The following TRIM24 variants were observed in gnomAD, a reference collection of about 807,000 sequenced individuals.
TRIM24 encodes tripartite motif containing 24, also known as transcription intermediary factor 1-alpha.
A neutral mutation model predicts 123.9 loss-of-function variants in TRIM24; 29 were observed. The ratio of observed to expected loss-of-function variants is 0.23; its 90% CI spans 0.17 to 0.32. TRIM24 has a LOEUF of 0.32. Among genes scored for constraint, TRIM24 ranks in the 10% least tolerant of loss-of-function variants. The pLI is 1.00. For missense variants in TRIM24, 932 were observed against 1,295.3 expected (o/e 0.72, Z 4.31); for synonymous variants, 456 against 461.1 (o/e 0.99, Z 0.14).
rs772136814 is a variant in TRIM24, at chr7:138,570,817, C to G, written c.1705-13C>G. On this transcript the variant is annotated splice_polypyrimidine_tract_variant and intron_variant, in intron 10 of 18. Coordinates refer to ENST00000343526, the MANE Select transcript of TRIM24 (RefSeq NM_015905.3). ...TGTTGATAGCCTTTGTTCTTCTCTTCTTGTTACTGTAGTGGCAGATCAGCA... is the reference window on the plus strand; with the variant it reads ...TGTTGATAGCCTTTGTTCTTCTCTTGTTGTTACTGTAGTGGCAGATCAGCA... The G allele has an allele frequency of 2.5e-6, 4 of 1,613,098 alleles. No individual in the cohort carries two copies. The South Asian group carries it at 3.3e-5, about 13-fold the overall frequency.
chr7:138,572,093 T>A (rs536251689), intron 11 of TRIM24, among the ~76,000 whole-genome samples: 1 of 152,330 alleles, frequency 6.6e-6, no homozygotes. Flanking sequence ...TTATTTTCAT[T>A]ATTTGTTTTT....
In TRIM24 at chr7:138,580,573, T is replaced by C; in HGVS notation, c.2597T>C (p.Ile866Thr). 1 of 1,612,068 alleles carries C rather than the reference T, an allele frequency of 6.2e-7. No homozygotes were observed. Among genetic ancestry groups the C allele is most frequent in the Non-Finnish European group, 8.5e-7 (1 of 1,178,788 alleles). The part of the protein sequence containing the change: ...TLTNFPSGEW[I>T]CTFCRDLSKP... ...TTGTCCCCTAACAGTGGAGAGTGGA[T>C]TTGCACTTTCTGCCGAGACTTATCT... The change falls in exon 16 of 19, where the codon ATT (isoleucine) becomes ACT (threonine). Residue 866 changes from isoleucine (I) to threonine (T), a missense_variant. This residue lies in a region of TRIM24 where 45 missense variants were observed against 56.6 expected (regional missense o/e 0.80). Transcript: ENST00000343526.
chr7:138,568,882 A>G (rs1210845879), intron 10 of TRIM24, among the ~76,000 whole-genome samples: 2 of 152,204 alleles, frequency 1.3e-5, no homozygotes, highest in African/African-American at 4.8e-5. Flanking sequence ...ATCCATTTTA[A>G]TAAAATCATT....
At chr7:138,542,240 C>A (rs1797019052) in intron 7 of TRIM24, among the ~76,000 whole-genome samples, 1 of 152,326 alleles carries the variant, frequency 6.6e-6, no homozygotes, top group African/African-American at 2.4e-5. Context: ...TTTGGACCTG[C>A]CTTCCTCAGT....
At chr7:138,463,456 T>A (rs1179277015) in intron 1 of TRIM24, among the ~76,000 whole-genome samples, 1 of 152,094 alleles carries the variant, frequency 6.6e-6, no homozygotes, top group East Asian at 1.9e-4. Flanking sequence ...GGTCTCGAAC[T>A]TCTGACCTCA....
intron 1 of TRIM24, among the ~76,000 whole-genome samples, chr7:138,470,861 A>T (rs978123661): frequency 3.9e-5 from 6 of 152,190 alleles, no homozygotes; most frequent in African/African-American, 1.4e-4. Context: ...TTTGTGTTTC[A>T]TGTTATCAGT....
rs1393115966 is a variant in TRIM24, at chr7:138,583,978, A to G, written c.2922A>G (p.Gln974=). Residue 974 remains glutamine, a synonymous_variant, in exon 18 of 19, where the codon CAA becomes CAG. Coordinates refer to ENST00000343526, the MANE Select transcript of TRIM24 (RefSeq NM_015905.3). ...DFVADFRLIF[Q]NCAEFNEPDS... ...TAGCTGATTTTAGATTGATCTTTCA[A>G]AACTGTGCTGAATTCAATGAGGTGA... The G allele has an allele frequency of 5.0e-6, 8 of 1,608,872 alleles. No homozygotes were observed. Among genetic ancestry groups the G allele is most frequent in the Non-Finnish European group, 6.8e-6 (8 of 1,178,644 alleles).
chr7:138,541,588 T>A (rs1797006366), intron 7 of TRIM24, among the ~76,000 whole-genome samples: 1 of 152,226 alleles, frequency 6.6e-6, no homozygotes, highest in Non-Finnish European at 1.5e-5. Flanking sequence ...AGGATAATTC[T>A]TGAGGGCCCT....
chr7:138,577,012 A>G (rs1797775194), intron 13 of TRIM24, among the ~76,000 whole-genome samples: 1 of 152,114 alleles, frequency 6.6e-6, no homozygotes, highest in Non-Finnish European at 1.5e-5. Context: ...TTGACCCACT[A>G]CCTTCTTTAA....
rs978802083 is a variant in TRIM24, at chr7:138,562,687, C to A, written c.1531-4794C>A. On this transcript the variant is annotated intron_variant, in intron 9 of 18. Transcript: ENST00000343526. ...CACTGGCATCTAATCTTTAGCCAGC[C>A]CGGGTGGGTTATCTTCAGCCCATAC... 4.6e-5 allele frequency among the ~76,000 whole-genome samples: 7 copies of A among 152,188 alleles called. 1 individual carries two copies. Among genetic ancestry groups the A allele is most frequent in the Non-Finnish European group, 1.0e-4 (7 of 68,034 alleles).
At chr7:138,486,210 AC>A (rs1795643096) in intron 1 of TRIM24, among the ~76,000 whole-genome samples, 1 of 150,298 alleles carries the variant, frequency 6.7e-6, no homozygotes, top group Admixed American at 6.7e-5. Context: ...TTGTAAATTT[AC>A]ATTCTTTGTA....
intron 7 of TRIM24, among the ~76,000 whole-genome samples, chr7:138,539,808 T>TTG (rs1199777813): frequency 1.3e-5 from 2 of 150,702 alleles, no homozygotes; most frequent in South Asian, 2.1e-4. Context: ...AATCTTTTTT[T>TTG]TTTTTTTTTT....
chr7:138,516,189 C>T (rs1796390718), intron 3 of TRIM24, among the ~76,000 whole-genome samples: 1 of 152,086 alleles, frequency 6.6e-6, no homozygotes, highest in East Asian at 1.9e-4. Context: ...GTAGTCCCAG[C>T]TACTCGGGAG....
intron 11 of TRIM24, among the ~76,000 whole-genome samples, chr7:138,572,324 G>T (rs954586844): frequency 6.6e-6 from 1 of 152,130 alleles, no homozygotes; most frequent in Non-Finnish European, 1.5e-5. Flanking sequence ...AAGTTCTCAT[G>T]AATTTAGTCA....
chr7:138,529,170 T>A lies in TRIM24; in HGVS notation c.936T>A (p.Ala312=). Residue 312 remains alanine, a synonymous_variant, in exon 6 of 19, where the codon GCT becomes GCA. Coordinates refer to ENST00000343526, the MANE Select transcript of TRIM24 (RefSeq NM_015905.3). The part of the protein sequence containing the change: ...QKQVEQDIKV[A]IFTLMVEINK... Reference sequence around the variant, plus strand: ...AGGTGGAACAGGATATTAAAGTTGCTATATTTACACTGATGGTAGAAATAA... The same window carrying A: ...AGGTGGAACAGGATATTAAAGTTGCAATATTTACACTGATGGTAGAAATAA... 1 of 1,581,590 alleles carries A rather than the reference T, an allele frequency of 6.3e-7. No homozygotes were observed. Among genetic ancestry groups the A allele is most frequent in the Non-Finnish European group, 8.6e-7 (1 of 1,167,586 alleles).
At chr7:138,580,784 TTA>T in intron 16 of TRIM24, 90 bp downstream of exon 16, 1 of 1,206,346 alleles carries the variant, frequency 8.3e-7, no homozygotes. Context: ...CATCCAGATT[TTA>T]TACTGATCCT....
chr7:138,490,771 C>T, intron 1 of TRIM24: 1 of 497,220 alleles, frequency 2.0e-6, no homozygotes, highest in Non-Finnish European at 3.9e-6. Flanking sequence ...GATTGGCAAG[C>T]CTTTTCTATG....
intron 6 of TRIM24, among the ~76,000 whole-genome samples, chr7:138,538,120 A>G (rs1796931852): frequency 6.6e-6 from 1 of 152,208 alleles, no homozygotes; most frequent in African/African-American, 2.4e-5. Context: ...CTCCGATGTT[A>G]ATTCTCAATA....
intron 7 of TRIM24, among the ~76,000 whole-genome samples, chr7:138,542,890 A>G (rs1230161951): frequency 1.3e-5 from 2 of 152,210 alleles, no homozygotes; most frequent in African/African-American, 4.8e-5. Flanking sequence ...TATCAGTGCT[A>G]TAGTCTCCAT....
Sources: gnomAD v4.1 joint callset for allele counts (sites outside exome capture counted in the v4.1 genomes callset) on GRCh38, gnomAD v4.1.1 for gene constraint, gnomAD v4.1.1 regional missense constraint, MANE v1.5 for transcripts, NCBI Gene and HGNC (gene_info 2026-07-23, HGNC 2026-07-21) for gene names.